IAH1: variants seen among roughly 807,000 people sequenced by gnomAD.
IAH1 encodes isoamyl acetate hydrolyzing esterase 1 (putative).
IAH1 carries 24 observed loss-of-function variants against 26.7 expected under a neutral mutation model. The observed-to-expected ratio is 0.90, with a 90% CI of 0.65 to 1.26. The LOEUF is 1.26. IAH1 is among the 50% of genes most tolerant of loss of function. The pLI, the probability that IAH1 is intolerant of heterozygous loss-of-function variation, is 0.00. For missense variants in IAH1, 300 were observed against 299.9 expected, an observed-to-expected ratio of 1.00 and a Z score of 0.00; for synonymous variants, 140 against 118.5, an observed-to-expected ratio of 1.18 and a Z score of -1.18.
chr2:9,474,412 C>T (rs1682343765), upstream of IAH1: 4 of 431,768 alleles, frequency 9.3e-6, no homozygotes, highest in South Asian at 9.2e-5. The surrounding 1 kb of genome is among the most constrained non-coding windows in gnomAD (Gnocchi z 4.3). Flanking sequence ...GGAGGCCGAG[C>T]TTCTTGCAAA....
chr2:9,507,293 C>T, the IAH1 span, among the ~76,000 whole-genome samples: 2 of 151,994 alleles, frequency 1.3e-5, no homozygotes, highest in African/African-American at 4.8e-5. Flanking sequence ...AGTTTGTTGA[C>T]CAGTCAGTTG....
chr2:9,474,581 G>A lies in IAH1; in HGVS notation c.15G>A (p.Glu5=). Residue 5 remains glutamate, a synonymous_variant, in exon 1 of 6, where the codon GAG becomes GAA. Coordinates refer to ENST00000497473, the MANE Select transcript of IAH1 (RefSeq NM_001039613.3). The surrounding 1 kb of genome is among the most constrained non-coding windows in gnomAD (Gnocchi z 4.3). ...CCGGCTGCTCCATGGCGCTGTGCGA[G>A]GCCGCGGGCTGCGGGAGTGCCCTGC... MALC[E]AAGCGSALLW... is the part of the protein sequence containing the mutation. The A allele has an allele frequency of 6.6e-7, 1 of 1,522,760 alleles. No homozygotes were observed. Among genetic ancestry groups the A allele is most frequent in the Non-Finnish European group, 8.8e-7 (1 of 1,137,472 alleles). The allele number at this position is 1,522,760 out of a possible 1,614,324, so 94.3% of individuals were successfully genotyped here.
chr2:9,497,243 T>C (rs751286148), downstream of IAH1: 1 of 1,614,098 alleles, frequency 6.2e-7, no homozygotes, highest in East Asian at 2.2e-5. Flanking sequence ...CACTCACTGC[T>C]ATTACCTGGA....
downstream of IAH1, chr2:9,497,337 G>A (rs1662691912): frequency 6.5e-7 from 1 of 1,541,638 alleles, no homozygotes; most frequent in African/African-American, 1.4e-5. Flanking sequence ...TCATACAAGT[G>A]AGCATCTTAC....
chr2:9,504,376 C>T, the IAH1 span, among the ~76,000 whole-genome samples: 1 of 151,720 alleles, frequency 6.6e-6, no homozygotes, highest in African/African-American at 2.4e-5. Context: ...ACCTGGGAGG[C>T]GGAGATTGCA....
At chr2:9,499,111 TTC>T (rs1483496334), downstream of IAH1, among the ~76,000 whole-genome samples, 1 of 31,740 alleles carries the variant, frequency 3.2e-5, no homozygotes, top group African/African-American at 1.7e-4. Flanking sequence ...TTCTTTCTTC[TTC>T]TTTTTTTTTT....
At chr2:9,484,758 T>G (rs771396330) in intron 5 of IAH1, 64 of 532,628 alleles carry the variant, frequency 1.2e-4, no homozygotes, top group Admixed American at 4.9e-4. Context: ...CCAGGCTCCT[T>G]GGCTAGGAGT....
intron 3 of IAH1, among the ~76,000 whole-genome samples, chr2:9,479,268 C>T (rs1195640528): frequency 1.3e-5 from 2 of 151,298 alleles, no homozygotes; most frequent in African/African-American, 2.4e-5. Flanking sequence ...TCAAATTTAG[C>T]ATAAGGAAAA....
chr2:9,489,753 TTCCAGTTG>T (rs1336573898), downstream of IAH1: 2 of 142,052 alleles, frequency 1.4e-5, no homozygotes, highest in African/African-American at 5.5e-5. Flanking sequence ...AAAAAAACTA[TTCCAGTTG>T]TCATCACAAA....
At chr2:9,481,608 T>TTATGTTATA (rs1661178855) in intron 4 of IAH1, among the ~76,000 whole-genome samples, 161 bp downstream of exon 4, 1 of 152,176 alleles carries the variant, frequency 6.6e-6, no homozygotes, top group Non-Finnish European at 1.5e-5. Flanking sequence ...ATAGCTTCCA[T>TTATGTTATA]TATGTTATAC....
At chr2:9,480,283 A>T (rs367595913) in intron 3 of IAH1, among the ~76,000 whole-genome samples, 22 of 152,250 alleles carry the variant, frequency 1.4e-4, no homozygotes, top group African/African-American at 5.1e-4. Flanking sequence ...CCAACACTGG[A>T]GGCCAGGCCA....
At chr2:9,496,838 C>A (rs1189131587), downstream of IAH1, among the ~76,000 whole-genome samples, 1 of 152,142 alleles carries the variant, frequency 6.6e-6, no homozygotes, top group African/African-American at 2.4e-5. Context: ...ACCCACTCAC[C>A]CCCAACAAAA....
At chr2:9,482,032 C>CTCT (rs778589862) in intron 4 of IAH1, among the ~76,000 whole-genome samples, 6 of 134,642 alleles carry the variant, frequency 4.5e-5, no homozygotes, top group African/African-American at 1.7e-4. Context: ...TGGAAGTTCT[C>CTCT]TTTTTTTTTT....
chr2:9,487,847 C>T lies in IAH1; in HGVS notation c.565-300C>T, dbSNP rs912033543. Among the ~76,000 whole-genome samples the T allele has an allele frequency of 4.3e-4, 58 of 135,844 alleles. No homozygotes were observed. The East Asian group carries it at 5.3e-3, about 12-fold the overall frequency. The allele number at this position is 135,844 out of a possible 152,430, so 89.1% of individuals were successfully genotyped here. A position where few individuals can be genotyped will look rare whatever the true frequency, so the allele number is the denominator to read the frequency against. ...GTGTGTGTGTGTGCGCGCGCGCGCG[C>T]GCGCTGTGGGGGGAGACAGTCTATC... On this transcript the variant is annotated intron_variant, in intron 5 of 5. Transcript: ENST00000497473.
chr2:9,475,625 C>T, intron 1 of IAH1: 2 of 277,126 alleles, frequency 7.2e-6, no homozygotes, highest in South Asian at 7.9e-5. Flanking sequence ...CTCAGCCTCC[C>T]GAGTAGCTGG....
intron 6 of IAH1, among the ~76,000 whole-genome samples, chr2:9,495,325 G>A (rs1347035535): frequency 6.6e-6 from 1 of 152,166 alleles, no homozygotes; most frequent in Non-Finnish European, 1.5e-5. Context: ...GAGCCATGTG[G>A]GCATACATAA....
chr2:9,484,902 T>C (rs945792204), intron 5 of IAH1: 6 of 191,554 alleles, frequency 3.1e-5, no homozygotes, highest in African/African-American at 1.4e-4. Flanking sequence ...AAATACAGTA[T>C]TGGCTAATAA....
chr2:9,505,719 C>CCTCA, the IAH1 span: 3 of 263,234 alleles, frequency 1.1e-5, no homozygotes, highest in African/African-American at 6.6e-5. Flanking sequence ...CTTGAAATCT[C>CCTCA]CTCACCTCAG....
intron 3 of IAH1, among the ~76,000 whole-genome samples, chr2:9,479,234 A>AT (rs1478214087): frequency 3.9e-5 from 6 of 152,234 alleles, no homozygotes; most frequent in African/African-American, 1.4e-4. Flanking sequence ...TCAAAACAGA[A>AT]TTTTTTAAAA....
Sources: allele counts gnomAD v4.1 joint callset (sites outside exome capture counted in the v4.1 genomes callset), GRCh38; gene constraint gnomAD v4.1.1; non-coding constraint Gnocchi (gnomAD v3.1); transcripts MANE v1.5; gene names NCBI Gene and HGNC (gene_info 2026-07-23, HGNC 2026-07-21).